GALNTL6: variants seen among roughly 807,000 people sequenced by gnomAD.
The protein encoded by GALNTL6 is polypeptide N-acetylgalactosaminyltransferase-like 6.
A neutral mutation model predicts 73.7 loss-of-function variants in GALNTL6; 46 were observed. The ratio of observed to expected loss-of-function variants is 0.62; its 90% CI spans 0.49 to 0.80. The LOEUF (loss-of-function observed/expected upper bound fraction) is 0.80. Among genes scored for constraint, GALNTL6 ranks in the 30% least tolerant of loss-of-function variants. The pLI is 0.00. For missense variants in GALNTL6, 604 were observed against 755.0 expected (o/e 0.80, Z 2.34); for synonymous variants, 259 against 263.7 (o/e 0.98, Z 0.17).
chr4:171,849,372 T>G (rs191855529), intron 2 of GALNTL6, among the ~76,000 whole-genome samples: 24 of 152,292 alleles, frequency 1.6e-4, no homozygotes, highest in Admixed American at 9.8e-4. Flanking sequence ...TTGAGATCAC[T>G]CCCTTAATAA....
intron 5 of GALNTL6, among the ~76,000 whole-genome samples, chr4:172,717,359 A>G (rs1735168349): frequency 6.6e-6 from 1 of 152,214 alleles, no homozygotes; most frequent in Admixed American, 6.5e-5. Flanking sequence ...CTCAAATTTG[A>G]TCTTTATTAA....
chr4:171,912,940 C>T (rs963612606), intron 2 of GALNTL6, among the ~76,000 whole-genome samples: 14 of 152,096 alleles, frequency 9.2e-5, no homozygotes, highest in African/African-American at 3.1e-4. Context: ...TTCCTTTACC[C>T]GTTCATCTAT....
intron 5 of GALNTL6, among the ~76,000 whole-genome samples, chr4:172,538,800 A>G (rs1248501945): frequency 6.6e-6 from 1 of 152,204 alleles, no homozygotes; most frequent in Non-Finnish European, 1.5e-5. Context: ...GGGAGACTAT[A>G]ATTTATATAA....
chr4:172,136,179 C>T (rs984483619), intron 2 of GALNTL6, among the ~76,000 whole-genome samples: 1 of 151,974 alleles, frequency 6.6e-6, no homozygotes, highest in Non-Finnish European at 1.5e-5. Context: ...TTCAAACAAG[C>T]CTCACATTAT....
intron 5 of GALNTL6, among the ~76,000 whole-genome samples, chr4:172,737,877 C>T (rs1269809966): frequency 6.6e-6 from 1 of 152,114 alleles, no homozygotes; most frequent in Non-Finnish European, 1.5e-5. Context: ...ACTGCCTGTC[C>T]CAAATTGGGA....
chr4:172,622,591 A>G (rs995007988), intron 5 of GALNTL6, among the ~76,000 whole-genome samples: 1 of 152,198 alleles, frequency 6.6e-6, no homozygotes, highest in Admixed American at 6.5e-5. Flanking sequence ...CACCTTCCAC[A>G]GACACTTTTC....
chr4:172,165,020 T>G (rs1734579347), intron 2 of GALNTL6, among the ~76,000 whole-genome samples: 1 of 152,032 alleles, frequency 6.6e-6, no homozygotes, highest in Admixed American at 6.6e-5. Flanking sequence ...TCCAAAGAGG[T>G]TAAGGAAAAT....
At chr4:172,229,862 T>A (rs1271787120) in intron 3 of GALNTL6, 98 bp downstream of exon 3, 1 of 706,520 alleles carries the variant, frequency 1.4e-6, no homozygotes, top group African/African-American at 1.8e-5. Context: ...CTGCACACTG[T>A]AAAGTATGTT....
chr4:172,184,291 G>A (rs1314532595), intron 2 of GALNTL6, among the ~76,000 whole-genome samples: 1 of 152,122 alleles, frequency 6.6e-6, no homozygotes, highest in Non-Finnish European at 1.5e-5. Flanking sequence ...CAGACCTGCT[G>A]TGTATGTGGC....
chr4:173,022,255 AC>A (rs1753049654), intron 12 of GALNTL6, among the ~76,000 whole-genome samples: 1 of 152,168 alleles, frequency 6.6e-6, no homozygotes, highest in South Asian at 2.1e-4. Flanking sequence ...AGTCATACAT[AC>A]ACATATTTGG....
chr4:172,360,290 T>G (rs1742316505), intron 5 of GALNTL6, among the ~76,000 whole-genome samples: 1 of 136,648 alleles, frequency 7.3e-6, no homozygotes, highest in Non-Finnish European at 1.6e-5. Flanking sequence ...CATTCTTATG[T>G]GTATACTTTC....
chr4:172,779,476 C>A (rs550563979), intron 5 of GALNTL6, among the ~76,000 whole-genome samples: 11 of 152,142 alleles, frequency 7.2e-5, no homozygotes, highest in African/African-American at 2.7e-4. Flanking sequence ...GAGCTTCTAG[C>A]CATGTCAAGG....
chr4:171,952,980 G>A (rs942288784), intron 2 of GALNTL6, among the ~76,000 whole-genome samples: 4 of 151,954 alleles, frequency 2.6e-5, no homozygotes, highest in Non-Finnish European at 4.4e-5. Flanking sequence ...TTAAATCACA[G>A]CATCAAAAAG....
chr4:172,634,163 T>A (rs150759389), intron 5 of GALNTL6, among the ~76,000 whole-genome samples: 1 of 152,230 alleles, frequency 6.6e-6, no homozygotes, highest in Non-Finnish European at 1.5e-5. Context: ...CTATTCTCTG[T>A]ATTTAGGACA....
At chr4:172,481,715 C>G (rs1393100125) in intron 5 of GALNTL6, among the ~76,000 whole-genome samples, 1 of 152,082 alleles carries the variant, frequency 6.6e-6, no homozygotes, top group East Asian at 1.9e-4. Context: ...ATTGGTGCAT[C>G]CACGAACCCT....
chr4:172,644,175 T>C (rs1025488787), intron 5 of GALNTL6, among the ~76,000 whole-genome samples: 2 of 151,924 alleles, frequency 1.3e-5, no homozygotes, highest in East Asian at 1.9e-4. Context: ...CACATCTTTA[T>C]TGAGCTTGAT....
At chr4:172,541,649 T>C (rs528444465) in intron 5 of GALNTL6, among the ~76,000 whole-genome samples, 43 of 152,196 alleles carry the variant, frequency 2.8e-4, no homozygotes, top group Non-Finnish European at 5.7e-4. Flanking sequence ...CCTTTTGACT[T>C]AAGGTTTTAT....
chr4:172,646,746 C>T (rs980759705), intron 5 of GALNTL6, among the ~76,000 whole-genome samples: 2 of 151,962 alleles, frequency 1.3e-5, no homozygotes, highest in South Asian at 4.1e-4. Context: ...TTCTTAAAAT[C>T]GTTCTTCAAG....
intron 3 of GALNTL6, among the ~76,000 whole-genome samples, chr4:172,310,264 C>T (rs1381265968): frequency 6.6e-6 from 1 of 151,426 alleles, no homozygotes; most frequent in Non-Finnish European, 1.5e-5. Context: ...AAGCAAATTA[C>T]TCGATAATTT....
Sources: allele counts gnomAD v4.1 joint callset (sites outside exome capture counted in the v4.1 genomes callset), GRCh38; gene constraint gnomAD v4.1.1; transcripts MANE v1.5; gene names NCBI Gene and HGNC (gene_info 2026-07-23, HGNC 2026-07-21).